The following SPATS2 variants were observed in gnomAD, a reference collection of about 807,000 sequenced individuals.
SPATS2 encodes the protein spermatogenesis-associated serine-rich protein 2.
A neutral mutation model predicts 63.7 loss-of-function variants in SPATS2; 38 were observed. That is an observed-to-expected ratio of 0.60 (90% CI 0.46 to 0.78). The LOEUF is 0.78. SPATS2 is among the 30% of genes least tolerant of loss of function. The pLI, the probability that SPATS2 is intolerant of heterozygous loss-of-function variation, is 0.00. For missense variants in SPATS2, 588 were observed against 666.2 expected (o/e 0.88, Z 1.29); for synonymous variants, 207 against 232.9 (o/e 0.89, Z 1.01).
rs775186083 is a variant in SPATS2 at position 49,526,215 on chromosome 12, G to C, written c.1598G>C (p.Arg533Pro). Residue 533 changes from arginine to proline, a missense_variant, in exon 14 of 14, where the codon CGC becomes CCC. Arg to Pro is a moderately radical substitution (Grantham distance 103). Transcript: ENST00000552918. The stretch of plus-strand genomic sequence containing the variant: ...TCATTCAAAAAGGGGCTCCCCCAGC[G>C]CAAACCCAGGACCTCTCAGACTGAA... ...TPSFKKGLPQ[R>P]KPRTSQTEAV... The C allele has an allele frequency of 6.2e-7, 1 of 1,613,932 alleles. No homozygotes were observed. Among genetic ancestry groups the C allele is most frequent in the Non-Finnish European group, 8.5e-7 (1 of 1,179,986 alleles).
intron 2 of SPATS2, among the ~76,000 whole-genome samples, chr12:49,435,777 G>C (rs1334870655): frequency 4.0e-5 from 6 of 148,504 alleles, no homozygotes; most frequent in Non-Finnish European, 9.0e-5. Context: ...TTCCTAGGCA[G>C]AGGACCCTGC....
chr12:49,396,025 T>C (rs1944504820), intron 2 of SPATS2, among the ~76,000 whole-genome samples: 1 of 152,264 alleles, frequency 6.6e-6, no homozygotes, highest in Admixed American at 6.5e-5. Flanking sequence ...GTGACTGGCT[T>C]TCACTTAGCA....
chr12:49,409,432 A>C (rs1298385624), intron 2 of SPATS2, among the ~76,000 whole-genome samples: 1 of 151,674 alleles, frequency 6.6e-6, no homozygotes, highest in African/African-American at 2.4e-5. Flanking sequence ...CAGCCTCCCG[A>C]GTAGTTGGGA....
chr12:49,488,159 C>T (rs2137862720), intron 4 of SPATS2, among the ~76,000 whole-genome samples: 1 of 152,082 alleles, frequency 6.6e-6, no homozygotes, highest in African/African-American at 2.4e-5. Context: ...ATTCTCCTAC[C>T]TCAGCCTCCT....
At chr12:49,372,989 T>A (rs1299413752) in intron 2 of SPATS2, among the ~76,000 whole-genome samples, 2 of 138,840 alleles carry the variant, frequency 1.4e-5, no homozygotes, top group African/African-American at 2.8e-5. Flanking sequence ...TGTGTGTGTG[T>A]GTGATGGAGT....
At chr12:49,442,346 A>C (rs1375049353) in intron 2 of SPATS2, 1 of 152,668 alleles carries the variant, frequency 6.6e-6, no homozygotes, top group Non-Finnish European at 1.5e-5. Context: ...TAGTTGATAA[A>C]AATATTTCTC....
chr12:49,408,562 T>TC (rs1944738554), intron 2 of SPATS2, among the ~76,000 whole-genome samples: 1 of 146,312 alleles, frequency 6.8e-6, no homozygotes, highest in Admixed American at 6.8e-5. Flanking sequence ...CTTTTTTTTT[T>TC]TTTTTTTTTT....
intron 10 of SPATS2, among the ~76,000 whole-genome samples, chr12:49,516,167 ATATATATATAT>A (rs1282235284): frequency 2.6e-3 from 14 of 5,368 alleles, no homozygotes; most frequent in African/African-American, 9.1e-3. Context: ...AAAAAAAAAA[ATATATATATAT>A]ATATATATAT....
chr12:49,375,145 T>C (rs1169799956), intron 2 of SPATS2, among the ~76,000 whole-genome samples: 1 of 4,114 alleles, frequency 2.4e-4, no homozygotes, highest in Non-Finnish European at 8.7e-4. Context: ...TTGTGGAGTG[T>C]GTGTGTGTGT....
At chr12:49,513,469 G>T (rs1396211065) in intron 9 of SPATS2, among the ~76,000 whole-genome samples, 1 of 152,084 alleles carries the variant, frequency 6.6e-6, no homozygotes, top group Non-Finnish European at 1.5e-5. Flanking sequence ...GGGTACTACT[G>T]TCTCCTTATA....
intron 2 of SPATS2, among the ~76,000 whole-genome samples, chr12:49,400,635 T>C (rs1384260360): frequency 2.6e-5 from 4 of 151,910 alleles, no homozygotes; most frequent in Middle Eastern, 3.2e-3. Flanking sequence ...ATGGTGGTAG[T>C]GATTGCCTTC....
intron 2 of SPATS2, among the ~76,000 whole-genome samples, chr12:49,375,460 C>T (rs956216816): frequency 6.6e-6 from 1 of 152,194 alleles, no homozygotes; most frequent in African/African-American, 2.4e-5. Context: ...CTTTTCCTTA[C>T]ATTATCCACT....
intron 3 of SPATS2, among the ~76,000 whole-genome samples, chr12:49,464,741 A>T (rs998082845): frequency 1.3e-5 from 2 of 151,744 alleles, no homozygotes; most frequent in African/African-American, 4.8e-5. Context: ...AGGTGGGAGG[A>T]TTACTTGAGC....
intron 10 of SPATS2, among the ~76,000 whole-genome samples, chr12:49,518,013 C>G (rs1414796019): frequency 1.3e-5 from 2 of 152,160 alleles, no homozygotes; most frequent in African/African-American, 4.8e-5. Flanking sequence ...AGCAATACCT[C>G]CAAAGTCTCA....
intron 2 of SPATS2, among the ~76,000 whole-genome samples, chr12:49,403,767 G>C (rs1432678364): frequency 6.6e-6 from 1 of 152,122 alleles, no homozygotes; most frequent in Non-Finnish European, 1.5e-5. Flanking sequence ...TTATAGTAAG[G>C]AATTTGGGGC....
At chr12:49,377,546 G>C (rs1250003038) in intron 2 of SPATS2, among the ~76,000 whole-genome samples, 1 of 152,098 alleles carries the variant, frequency 6.6e-6, no homozygotes, top group Non-Finnish European at 1.5e-5. Context: ...CTTTCACACT[G>C]TACGGGCTAA....
rs892853892 is a variant in SPATS2, at chr12:49,526,192, A to T, written c.1575A>T (p.Ser525=). The stretch of plus-strand genomic sequence containing the variant: ...TGGAGCCCAGCCCTCCCACGCCTTC[A>T]TTCAAAAAGGGGCTCCCCCAGCGCA... The part of the protein sequence containing the change: ...VSMEPSPPTP[S]FKKGLPQRKP... Residue 525 remains serine, a synonymous_variant, in exon 14 of 14, where the codon TCA becomes TCT. Transcript: ENST00000552918. 1 of 1,614,078 alleles carries T rather than the reference A, an allele frequency of 6.2e-7. No individual in the cohort carries two copies.
chr12:49,514,613 A>G lies in SPATS2; in HGVS notation c.898A>G (p.Met300Val). 6.2e-7 allele frequency: 1 copy of G among 1,613,170 alleles called. No homozygotes were observed. Among genetic ancestry groups the G allele is most frequent in the Non-Finnish European group, 8.5e-7 (1 of 1,179,540 alleles). ...AEMDKVKAEA[M>V]EILLSRQKKA... ...AATGGACAAAGTGAAAGCTGAAGCA[A>G]GTAAGATGATTGATCTTTAATTAAA... The change falls in exon 10 of 14, where the codon ATG becomes GTG. Residue 300 changes from methionine to valine, a missense_variant and splice_region_variant. Met to Val is a conservative substitution (Grantham distance 21). Coordinates refer to ENST00000552918, the MANE Select transcript of SPATS2 (RefSeq NM_023071.4).
At chr12:49,392,678 A>G (rs745633464) in intron 2 of SPATS2, among the ~76,000 whole-genome samples, 7 of 152,044 alleles carry the variant, frequency 4.6e-5, no homozygotes, top group Non-Finnish European at 8.8e-5. Flanking sequence ...TCACCACTGC[A>G]CTCCAGCGCC....
Sources: allele counts gnomAD v4.1 joint callset (sites outside exome capture counted in the v4.1 genomes callset), GRCh38; gene constraint gnomAD v4.1.1; transcripts MANE v1.5; gene names NCBI Gene and HGNC (gene_info 2026-07-23, HGNC 2026-07-21).